The following PTPRT variants were observed in gnomAD, a reference collection of about 807,000 sequenced individuals.
PTPRT encodes protein tyrosine phosphatase receptor type T.
Under a neutral mutation model 176.8 loss-of-function variants are expected in PTPRT, and 56 were observed. The observed-to-expected ratio is 0.32, with a 90% CI of 0.26 to 0.40. PTPRT has a LOEUF of 0.40. Ranked by LOEUF, PTPRT falls within the 10% of genes least tolerant of loss-of-function variation. The pLI, the probability that PTPRT is intolerant of heterozygous loss-of-function variation, is 1.00. For synonymous variants in PTPRT, 783 were observed against 739.0 expected (o/e 1.06, Z -0.96); for missense variants, 1,540 against 1,908.2 (o/e 0.81, Z 3.60).
chr20:43,000,712 T>C (rs1208500382), intron 1 of PTPRT, among the ~76,000 whole-genome samples: 2 of 151,250 alleles, frequency 1.3e-5, no homozygotes, highest in Non-Finnish European at 2.9e-5. Flanking sequence ...GAGACAATAT[T>C]GGATGCAAAA....
chr20:42,094,479 G>A (rs1355247271), intron 27 of PTPRT, among the ~76,000 whole-genome samples: 1 of 152,024 alleles, frequency 6.6e-6, no homozygotes, highest in Non-Finnish European at 1.5e-5. Context: ...CTAGAGTACT[G>A]TGGTGTGATC....
At chr20:42,220,925 C>G (rs780061802) in intron 15 of PTPRT, among the ~76,000 whole-genome samples, 25 of 152,166 alleles carry the variant, frequency 1.6e-4, no homozygotes, top group Non-Finnish European at 3.1e-4. Flanking sequence ...TGTGAAACAA[C>G]GAATGATCTT....
chr20:42,786,748 A>G (rs1368707573), intron 3 of PTPRT, among the ~76,000 whole-genome samples: 2 of 152,152 alleles, frequency 1.3e-5, no homozygotes, highest in Non-Finnish European at 2.9e-5. Context: ...GGGGTTTCTA[A>G]TTGAAACCTT....
At chr20:42,705,316 C>T (rs1019980876) in intron 6 of PTPRT, among the ~76,000 whole-genome samples, 3 of 151,548 alleles carry the variant, frequency 2.0e-5, no homozygotes, top group African/African-American at 4.9e-5. Context: ...GGGCTGAGTC[C>T]GAGAAAGGAG....
chr20:42,248,828 A>C lies in PTPRT; in HGVS notation c.2177-6T>G. 1.2e-6 allele frequency: 2 copies of C among 1,613,412 alleles called. No homozygotes were observed. ...AGAATTCTGGGTGGAGGCACCTAGG[A>C]AGGGAAAGGGAAGGATAGCAATGTT... On this transcript the variant is annotated splice_region_variant and splice_polypyrimidine_tract_variant and intron_variant, in intron 13 of 30. Transcript: ENST00000373187.
chr20:42,258,962 A>G (rs970617129), intron 13 of PTPRT, among the ~76,000 whole-genome samples: 1 of 152,240 alleles, frequency 6.6e-6, no homozygotes, highest in Non-Finnish European at 1.5e-5. Flanking sequence ...GTCAGTCCTA[A>G]GAAGTTAGAA....
chr20:43,006,360 CAT>C (rs2146141051), intron 1 of PTPRT, among the ~76,000 whole-genome samples: 1 of 152,304 alleles, frequency 6.6e-6, no homozygotes, highest in Non-Finnish European at 1.5e-5. Context: ...ACATGTGAAG[CAT>C]ATGTTAATTC....
At chr20:42,057,107 C>T in the PTPRT span, among the ~76,000 whole-genome samples, 2 of 152,172 alleles carry the variant, frequency 1.3e-5, no homozygotes, top group Admixed American at 6.5e-5. Flanking sequence ...ATCTGCCTCC[C>T]GCACATCATG....
chr20:43,010,214 ATCAGCCTG>A (rs1199192183), intron 1 of PTPRT, among the ~76,000 whole-genome samples: 2 of 151,964 alleles, frequency 1.3e-5, no homozygotes, highest in Non-Finnish European at 2.9e-5. Context: ...CCCCCCAATC[ATCAGCCTG>A]TCTTCCATTA....
Position 42,791,414 on chromosome 20 carries a change from G to T in PTPRT, c.267C>A (p.His89Gln). 1 of 1,614,002 alleles carries T rather than the reference G, an allele frequency of 6.2e-7. No homozygotes were observed. Among genetic ancestry groups the T allele is most frequent in the Non-Finnish European group, 8.5e-7 (1 of 1,179,896 alleles). The change falls in exon 3 of 31, where the codon CAC (histidine) becomes CAA (glutamine). Residue 89 changes from histidine (H) to glutamine (Q), a missense_variant. Physicochemically the swap from His to Gln is conservative, Grantham distance 24. Around this residue, in one of 11 missense-constraint regions of PTPRT, gnomAD observed 116 missense variants for 118.5 expected, o/e 0.98. Transcript: ENST00000373187. Reference protein sequence around the residue: ...SSGRASGQKAHLLLPTLKEND... With the variant: ...SSGRASGQKAQLLLPTLKEND... ...TCTCCTTCAGGGTTGGCAGGAGAAG[G>T]TGGGCCTTCTGGCCAGAGGCTCTCC...
intron 2 of PTPRT, among the ~76,000 whole-genome samples, chr20:42,874,059 C>A (rs546036236): frequency 6.6e-6 from 1 of 152,292 alleles, no homozygotes; most frequent in African/African-American, 2.4e-5. Context: ...GCTCTAGCCC[C>A]TGCAGCAGCC....
intron 1 of PTPRT, among the ~76,000 whole-genome samples, chr20:42,918,547 T>A (rs1978931902): frequency 2.0e-5 from 3 of 152,162 alleles, no homozygotes; most frequent in Admixed American, 2.0e-4. Context: ...GGTTCATCGA[T>A]CAAGCCACCT....
intron 9 of PTPRT, among the ~76,000 whole-genome samples, chr20:42,405,664 T>C (rs554711132): frequency 2.0e-5 from 3 of 152,332 alleles, no homozygotes; most frequent in South Asian, 4.1e-4. Context: ...TGTGTGCATG[T>C]GTTTTTATAG....
At chr20:42,800,054 A>G (rs1330834202) in intron 2 of PTPRT, among the ~76,000 whole-genome samples, 3 of 152,234 alleles carry the variant, frequency 2.0e-5, no homozygotes, top group Non-Finnish European at 4.4e-5. Flanking sequence ...CCTCTTCTTA[A>G]CAATAACAAC....
intron 12 of PTPRT, among the ~76,000 whole-genome samples, chr20:42,314,573 T>G (rs528605085): frequency 9.2e-4 from 133 of 145,198 alleles, no homozygotes; most frequent in Middle Eastern, 7.1e-3. Flanking sequence ...AAAAGAAATA[T>G]GAAAATATGA....
intron 15 of PTPRT, among the ~76,000 whole-genome samples, chr20:42,206,371 C>T (rs1457948688): frequency 6.6e-6 from 1 of 152,268 alleles, no homozygotes; most frequent in Non-Finnish European, 1.5e-5. Context: ...TCTGAGGTAC[C>T]GGGTTCATCT....
At chr20:42,625,578 T>A (rs2074274971) in intron 7 of PTPRT, among the ~76,000 whole-genome samples, 1 of 151,944 alleles carries the variant, frequency 6.6e-6, no homozygotes, top group South Asian at 2.1e-4. Flanking sequence ...ACTCCAGAGG[T>A]AGCTGGGGCT....
intron 1 of PTPRT, among the ~76,000 whole-genome samples, chr20:43,145,784 T>C (rs1462457755): frequency 6.6e-6 from 1 of 152,238 alleles, no homozygotes; most frequent in Admixed American, 6.5e-5. Flanking sequence ...CATTTTACAA[T>C]GTGTCTAATT....
In PTPRT at chr20:43,110,822, G is replaced by C. The variant is rs373205156; in HGVS notation, c.88+78824C>G. Among the ~76,000 whole-genome samples the C allele has an allele frequency of 3.3e-3, 496 of 152,242 alleles. 1 individual carries two copies. The highest frequency in any genetic ancestry group is 0.011 in the African/African-American group (470 of 41,544). On this transcript the variant is annotated intron_variant, in intron 1 of 30. Coordinates refer to ENST00000373187, the MANE Select transcript of PTPRT (RefSeq NM_007050.6). ...GGAGAAGGCAAATGGAGAAAGTCAA[G>C]AGACACCTGTATTTTCATGTAGTTC... is the stretch of plus-strand genomic sequence containing the variant.
Sources: gnomAD v4.1 joint callset for allele counts (sites outside exome capture counted in the v4.1 genomes callset) on GRCh38, gnomAD v4.1.1 for gene constraint, gnomAD v4.1.1 regional missense constraint, MANE v1.5 for transcripts, NCBI Gene and HGNC (gene_info 2026-07-23, HGNC 2026-07-21) for gene names.